The following OPRM1 variants were observed in gnomAD, a reference collection of about 807,000 sequenced individuals.
OPRM1 encodes mu-type opioid receptor.
Under a neutral mutation model 31.8 loss-of-function variants are expected in OPRM1, and 27 were observed. That is an observed-to-expected ratio of 0.85 (90% CI 0.63 to 1.17). The LOEUF (loss-of-function observed/expected upper bound fraction) is 1.17, where lower values mean the gene tolerates loss of function less well. Among genes scored for constraint, OPRM1 ranks in the 50% most tolerant of loss-of-function variants. The pLI is 0.00. For synonymous variants in OPRM1, 196 were observed against 189.9 expected, an observed-to-expected ratio of 1.03 and a Z score of -0.26; for missense variants, 536 against 511.1, an observed-to-expected ratio of 1.05 and a Z score of -0.47.
rs75160710 is a variant in OPRM1 at position 154,047,427 on chromosome 6, C to T, written c.290+7593C>T. On this transcript the variant is annotated intron_variant, in intron 1 of 3. Coordinates refer to ENST00000330432, the MANE Select transcript of OPRM1 (RefSeq NM_000914.5). ...AAAAGCGTGACTGGCAAAGGTGGAG[C>T]GTGGGCAAAATTCTCTCTCTCTCTC... Among the ~76,000 whole-genome samples, 774 of 150,724 alleles carry T rather than the reference C, an allele frequency of 5.1e-3. 3 individuals carry two copies. The highest frequency in any genetic ancestry group is 0.017 in the African/African-American group (695 of 40,754).
chr6:154,081,288 G>A (rs1301297870), intron 1 of OPRM1, among the ~76,000 whole-genome samples: 1 of 152,208 alleles, frequency 6.6e-6, no homozygotes, highest in Non-Finnish European at 1.5e-5. Context: ...CAGATCACGA[G>A]GTCAGGAGAT....
At chr6:154,195,493 A>C (rs1776540443) in intron 3 of OPRM1, among the ~76,000 whole-genome samples, 1 of 152,088 alleles carries the variant, frequency 6.6e-6, no homozygotes, top group East Asian at 1.9e-4. Flanking sequence ...CACCCTGATG[A>C]GAAATGGTCA....
At chr6:154,044,102 A>G (rs1284238881) in intron 1 of OPRM1, among the ~76,000 whole-genome samples, 1 of 151,986 alleles carries the variant, frequency 6.6e-6, no homozygotes, top group Non-Finnish European at 1.5e-5. Context: ...CTCTTAAAGG[A>G]TGGATGGATA....
Position 154,091,477 on chromosome 6 carries a change from G to T in OPRM1, c.1164+5G>T. 6.2e-7 allele frequency: 1 copy of T among 1,606,044 alleles called. No homozygotes were observed. Among genetic ancestry groups the T allele is most frequent in the Non-Finnish European group, 8.5e-7 (1 of 1,178,356 alleles). ...GTGGATAGAACTAATCATCAGGTAC[G>T]CAGTCTCTAGAATTAGGTATATCTA... On this transcript the variant is annotated splice_donor_5th_base_variant and intron_variant, in intron 3 of 3. Coordinates refer to ENST00000330432, the MANE Select transcript of OPRM1 (RefSeq NM_000914.5).
At chr6:154,223,300 C>T (rs769085990) in intron 3 of OPRM1, 44 of 1,286,188 alleles carry the variant, frequency 3.4e-5, no homozygotes, top group Non-Finnish European at 4.8e-5. Flanking sequence ...GGGATTAGTG[C>T]ATTGAGATCA....
At chr6:154,149,159 T>G (rs1182361987) in intron 3 of OPRM1, among the ~76,000 whole-genome samples, 1 of 152,132 alleles carries the variant, frequency 6.6e-6, no homozygotes, top group African/African-American at 2.4e-5. Flanking sequence ...AGAGGATTGA[T>G]TGACTCACAG....
chr6:154,152,348 GA>G (rs1562510737), intron 3 of OPRM1, among the ~76,000 whole-genome samples: 1 of 2,406 alleles, frequency 4.2e-4, no homozygotes, highest in East Asian at 0.017. Context: ...AGAAAGAAAG[GA>G]AAGAAAGAAA....
At chr6:154,112,220 C>T (rs1388160719) in intron 3 of OPRM1, among the ~76,000 whole-genome samples, 1 of 152,022 alleles carries the variant, frequency 6.6e-6, no homozygotes, top group Non-Finnish European at 1.5e-5. Context: ...GAAAAGAAAC[C>T]CAGCTTTAGA....
At chr6:154,171,227 C>A (rs1031722333) in intron 3 of OPRM1, among the ~76,000 whole-genome samples, 2 of 152,056 alleles carry the variant, frequency 1.3e-5, no homozygotes, top group African/African-American at 4.8e-5. Context: ...TGTTCATCAG[C>A]TGATGAAAGG....
chr6:154,048,647 A>C (rs867594553), intron 1 of OPRM1, among the ~76,000 whole-genome samples: 1 of 152,224 alleles, frequency 6.6e-6, no homozygotes, highest in Non-Finnish European at 1.5e-5. Flanking sequence ...AAATTATTCA[A>C]GTATAAAATC....
At chr6:154,243,162 G>A (rs1470258529) in intron 3 of OPRM1, among the ~76,000 whole-genome samples, 1 of 152,154 alleles carries the variant, frequency 6.6e-6, no homozygotes, top group Non-Finnish European at 1.5e-5. Context: ...AACTGGGTAG[G>A]GCTGACAAGT....
rs975844016 is a variant in OPRM1, at chr6:154,129,848, C to A, written c.*11127C>A. Among the ~76,000 whole-genome samples, 4 of 124,726 alleles carry A rather than the reference C, an allele frequency of 3.2e-5. No individual in the cohort carries two copies. Among genetic ancestry groups the A allele is most frequent in the East Asian group, 4.1e-4 (2 of 4,830 alleles). 81.8% of individuals were successfully genotyped at this position (124,726 alleles called of 152,430 possible). Reference sequence around the variant, plus strand: ...TACTTTACCACCGACACCCTCCCCCCCCAGCACACACACACACACACACAC... The same window carrying A: ...TACTTTACCACCGACACCCTCCCCCACCAGCACACACACACACACACACAC... On this transcript the variant is annotated 3_prime_UTR_variant, in exon 4 of 4. Transcript: ENST00000330432.
chr6:154,066,959 T>TA (rs1785547421), intron 1 of OPRM1, among the ~76,000 whole-genome samples: 1 of 152,202 alleles, frequency 6.6e-6, no homozygotes, highest in Non-Finnish European at 1.5e-5. Flanking sequence ...TGTTGGCATA[T>TA]AATTTGTCCA....
At chr6:154,040,291 G>T (rs969164551) in intron 1 of OPRM1, among the ~76,000 whole-genome samples, 1 of 151,932 alleles carries the variant, frequency 6.6e-6, no homozygotes, top group Non-Finnish European at 1.5e-5. Context: ...GTGGCGGGGG[G>T]AGCAGTCTCA....
At chr6:154,191,172 T>C (rs564684219) in intron 3 of OPRM1, among the ~76,000 whole-genome samples, 103 of 152,194 alleles carry the variant, frequency 6.8e-4, no homozygotes, top group African/African-American at 2.4e-3. Context: ...TGCAACTATG[T>C]GACATTCTGG....
chr6:154,229,862 C>T (rs757460504), intron 3 of OPRM1, among the ~76,000 whole-genome samples: 10 of 152,146 alleles, frequency 6.6e-5, no homozygotes, highest in East Asian at 1.9e-4. Context: ...CACAGCCATA[C>T]GACGAAATGC....
chr6:154,219,985 AGTGTGTGTGTGTGTGTGTGTGT>A (rs57450665), intron 3 of OPRM1, among the ~76,000 whole-genome samples: 4 of 140,052 alleles, frequency 2.9e-5, no homozygotes, highest in African/African-American at 7.9e-5. Context: ...ACCTGTAAGG[AGTGTGTGTGTGTGTGTGTGTGT>A]GTGTGTGTGT....
At chr6:154,135,847 G>T (rs1798047793), downstream of OPRM1, among the ~76,000 whole-genome samples, 1 of 152,234 alleles carries the variant, frequency 6.6e-6, no homozygotes, top group Admixed American at 6.5e-5. Context: ...ATTGAAACTA[G>T]AAATGTGTTT....
intron 3 of OPRM1, among the ~76,000 whole-genome samples, chr6:154,210,438 C>T (rs1019764055): frequency 2.6e-5 from 4 of 152,124 alleles, no homozygotes; most frequent in Non-Finnish European, 4.4e-5. Flanking sequence ...GAGACAAAGA[C>T]AGAGACAGAG....
Sources: gnomAD v4.1 joint callset for allele counts (sites outside exome capture counted in the v4.1 genomes callset) on GRCh38, gnomAD v4.1.1 for gene constraint, MANE v1.5 for transcripts, NCBI Gene and HGNC (gene_info 2026-07-23, HGNC 2026-07-21) for gene names.